TSPOAP1: variants seen among roughly 807,000 people sequenced by gnomAD.
TSPOAP1 encodes the protein TSPO associated protein 1, also known as peripheral-type benzodiazepine receptor-associated protein 1.
A neutral mutation model predicts 197.0 loss-of-function variants in TSPOAP1; 87 were observed. That is an observed-to-expected ratio of 0.44 (90% CI 0.37 to 0.53). The LOEUF is 0.53. TSPOAP1 is among the 20% of genes least tolerant of loss of function. The pLI is 0.00. For missense variants in TSPOAP1, 2,174 were observed against 2,411.3 expected, an observed-to-expected ratio of 0.90 and a Z score of 2.06; for synonymous variants, 913 against 998.9, an observed-to-expected ratio of 0.91 and a Z score of 1.62.
Position 58,320,146 on chromosome 17 carries a change from A to G in TSPOAP1, c.1474-17T>C. ...CAAGGTAGACTGTTGCAGGAAAGGA[A>G]GCAGAGAACAGGTTAGAACCCTGAG... On this transcript the variant is annotated splice_polypyrimidine_tract_variant and intron_variant, in intron 11 of 31. Transcript: ENST00000343736. The G allele has an allele frequency of 1.9e-6, 3 of 1,614,150 alleles. No individual in the cohort carries two copies. Among genetic ancestry groups the G allele is most frequent in the Non-Finnish European group, 2.5e-6 (3 of 1,180,000 alleles).
At chr17:58,315,944 G>C (rs1342900026) in intron 16 of TSPOAP1, 79 bp downstream of exon 16, 2 of 1,042,624 alleles carry the variant, frequency 1.9e-6, no homozygotes, top group East Asian at 4.9e-5. Flanking sequence ...TGGATGGATG[G>C]ATGGATGGAT....
At chr17:58,327,448 A>G in intron 1 of TSPOAP1, 140 bp downstream of exon 1, 1 of 771,628 alleles carries the variant, frequency 1.3e-6, no homozygotes, top group East Asian at 2.6e-5. Context: ...ACAGATAGCC[A>G]CAGAGATGGA....
At chr17:58,317,070 C>T (rs112605641) in intron 14 of TSPOAP1, among the ~76,000 whole-genome samples, 12,239 of 152,182 alleles carry the variant, frequency 0.08, 548 homozygotes, top group Middle Eastern at 0.15. Flanking sequence ...GTGGTGCATG[C>T]CTGTGGTCCC....
intron 25 of TSPOAP1, 143 bp downstream of exon 25, chr17:58,306,657 A>G (rs1268383846): frequency 5.4e-6 from 6 of 1,110,666 alleles, no homozygotes; most frequent in Non-Finnish European, 7.7e-6. Flanking sequence ...TCTGACCACT[A>G]CGCAGCAGGG....
Position 58,324,762 on chromosome 17 carries a change from C to T in TSPOAP1, c.942+49G>A, listed in dbSNP as rs1971521445. The T allele has an allele frequency of 4.6e-6, 6 of 1,307,136 alleles. No individual in the cohort carries two copies. Among genetic ancestry groups the T allele is most frequent in the South Asian group, 1.9e-5 (1 of 53,074 alleles). 81.0% of individuals were successfully genotyped at this position (1,307,136 alleles called of 1,614,324 possible). On this transcript the variant is annotated intron_variant, in intron 5 of 31. Coordinates refer to ENST00000343736, the MANE Select transcript of TSPOAP1 (RefSeq NM_004758.4). The surrounding 1 kb of genome is among the most constrained non-coding windows in gnomAD (Gnocchi z 5.8). ...AGGGGAGATCCCGGTGGTCGTTCCC[C>T]CCACCCATCTGCACGCACCCACACA...
At chr17:58,303,318 T>C (rs987690586) in intron 31 of TSPOAP1, 4 of 152,702 alleles carry the variant, frequency 2.6e-5, no homozygotes, top group African/African-American at 9.7e-5. Context: ...AACTCCCACT[T>C]GCTGCCCGGA....
At chr17:58,305,895 T>TGCC (rs1970872287) in intron 26 of TSPOAP1, 30 bp from the exon 27 acceptor site, 1 of 1,554,908 alleles carries the variant, frequency 6.4e-7, no homozygotes. Context: ...GTGAGCCCCC[T>TGCC]CCCACCCTGC....
chr17:58,308,383 A>G (rs1452990111), intron 22 of TSPOAP1, among the ~76,000 whole-genome samples, 158 bp downstream of exon 22: 3 of 152,184 alleles, frequency 2.0e-5, no homozygotes, highest in African/African-American at 7.2e-5. Context: ...AAGCAGTGGA[A>G]TGTGGGTGGG....
Position 58,325,548 on chromosome 17 carries a change from T to A in TSPOAP1, c.736A>T (p.Thr246Ser). The A allele has an allele frequency of 6.2e-7, 1 of 1,612,482 alleles. No homozygotes were observed. Among genetic ancestry groups the A allele is most frequent in the South Asian group, 1.1e-5 (1 of 91,022 alleles). The change falls in exon 4 of 32, where the codon ACT becomes TCT. Residue 246 changes from threonine (T) to serine (S), a missense_variant. Thr to Ser is a moderately conservative substitution (Grantham distance 58, BLOSUM62 1). Coordinates refer to ENST00000343736, the MANE Select transcript of TSPOAP1 (RefSeq NM_004758.4). The stretch of plus-strand genomic sequence containing the variant: ...CCTCCTCGCACCTTGCCCACCAGAG[T>A]GAGCCTGGCCTGCAGCTCCCTGCAC... ...RECRELQARL[T>S]LVGKEGPQWL...
intron 7 of TSPOAP1, 39 bp downstream of exon 7, chr17:58,323,259 A>C (rs1283747189): frequency 6.2e-7 from 1 of 1,611,034 alleles, no homozygotes; most frequent in African/African-American, 1.3e-5. Context: ...GCCGGGGTGA[A>C]GGGAGGAGCT....
intron 18 of TSPOAP1, 37 bp downstream of exon 18, chr17:58,311,534 C>T: frequency 6.6e-7 from 1 of 1,524,264 alleles, no homozygotes; most frequent in Non-Finnish European, 8.8e-7. Context: ...AGAAGGGACC[C>T]ACCCCCACTC....
At position 58,308,930 on chromosome 17, in the gene TSPOAP1, C is replaced by T; in HGVS notation, c.4342G>A (p.Glu1448Lys). 6.2e-7 allele frequency: 1 copy of T among 1,600,570 alleles called. No homozygotes were observed. Among genetic ancestry groups the T allele is most frequent in the Non-Finnish European group, 8.5e-7 (1 of 1,173,626 alleles). The change falls in exon 22 of 32, where the codon GAG becomes AAG. Residue 1448 changes from glutamate to lysine, a missense_variant. Transcript: ENST00000343736. ...QASGRLGPTR[E>K]RGGLPVIEGP... Reference sequence around the variant, plus strand: ...TCAATTACGGGGAGGCCACCCCTCTCCCGTGTGGGGCCCAGTCGTCCAGAG... The same window carrying T: ...TCAATTACGGGGAGGCCACCCCTCTTCCGTGTGGGGCCCAGTCGTCCAGAG...
chr17:58,308,032 G>C lies in TSPOAP1; in HGVS notation c.4732-91C>G. 19 of 1,252,746 alleles carry C rather than the reference G, an allele frequency of 1.5e-5. 1 individual carries two copies. In the South Asian group the frequency reaches 2.7e-4, roughly 18 times the overall value. The allele number at this position is 1,252,746 out of a possible 1,614,324, so 77.6% of individuals were successfully genotyped here. On this transcript the variant is annotated intron_variant, in intron 22 of 31. Coordinates refer to ENST00000343736, the MANE Select transcript of TSPOAP1 (RefSeq NM_004758.4). ...CAGCTCTGCCCCATCAGCGTAAGCA[G>C]CACAGCAGCGCAGGAGCACAGCATT...
At position 58,311,580 on chromosome 17, in the gene TSPOAP1, A is replaced by G; in HGVS notation, c.3072T>C (p.Asp1024=). 1 of 1,580,804 alleles carries G rather than the reference A, an allele frequency of 6.3e-7. No individual in the cohort carries two copies. Among genetic ancestry groups the G allele is most frequent in the Non-Finnish European group, 8.6e-7 (1 of 1,159,632 alleles). The change falls in exon 18 of 32, where the codon GAT becomes GAC. Residue 1024 remains aspartate (D), a synonymous_variant. Transcript: ENST00000343736. ...GTGGGCAGGGCTATACCTTCTGCCC[A>G]TCAGCGTAGATGGCATAGCCTGTGA... The part of the protein sequence containing the change: ...VRVTGYAIYA[D]GQKIMEVASP...
Position 58,316,112 on chromosome 17 carries a change from G to C in TSPOAP1, c.2009C>G (p.Pro670Arg). The change falls in exon 16 of 32, where the codon CCC (proline) becomes CGC (arginine). Residue 670 changes from proline to arginine, a missense_variant. Transcript: ENST00000343736. ...ARYSYNPFEG[P>R]NENPEAELPL... ...AAGCTCTGCTTCTGGATTCTCATTG[G>C]GACCCTCAAAGGGGTTGTAGCTGTT... is the stretch of plus-strand genomic sequence containing the variant. The C allele has an allele frequency of 6.2e-7, 1 of 1,614,052 alleles. No individual in the cohort carries two copies. The highest frequency in any genetic ancestry group is 1.3e-5 in the African/African-American group (1 of 75,018).
Position 58,305,658 on chromosome 17 carries a change from G to T in TSPOAP1, c.5258-15C>A. 7.0e-7 allele frequency: 1 copy of T among 1,424,766 alleles called. No homozygotes were observed. Among genetic ancestry groups the T allele is most frequent in the Non-Finnish European group, 9.6e-7 (1 of 1,041,978 alleles). 88.3% of individuals were successfully genotyped at this position (1,424,766 alleles called of 1,614,324 possible). ...CTTAGGGGGGCCTGCAGGGGGAGTAGGAGAAGACTCTGGACTCTCTGGAGA... is the reference window on the plus strand; with the variant it reads ...CTTAGGGGGGCCTGCAGGGGGAGTATGAGAAGACTCTGGACTCTCTGGAGA... On this transcript the variant is annotated splice_polypyrimidine_tract_variant and intron_variant, in intron 27 of 31. Transcript: ENST00000343736.
chr17:58,324,653 G>T lies in TSPOAP1; in HGVS notation c.942+158C>A, dbSNP rs549402375. Among the ~76,000 whole-genome samples, 1 of 152,114 alleles carries T rather than the reference G, an allele frequency of 6.6e-6. No individual in the cohort carries two copies. Among genetic ancestry groups the T allele is most frequent in the Admixed American group, 6.5e-5 (1 of 15,304 alleles). On this transcript the variant is annotated intron_variant, in intron 5 of 31. Coordinates refer to ENST00000343736, the MANE Select transcript of TSPOAP1 (RefSeq NM_004758.4). This position sits in a 1 kb window ranked among gnomAD's most constrained non-coding sequence, Gnocchi z 5.8. ...GTACGAGCACGGGAGGCTTGGAGGT[G>T]GACCCTGCCCAGGACGGGAAAGCTC...
intron 16 of TSPOAP1, among the ~76,000 whole-genome samples, chr17:58,314,791 C>G (rs1337239817): frequency 6.6e-6 from 1 of 152,244 alleles, no homozygotes; most frequent in Non-Finnish European, 1.5e-5. Flanking sequence ...GGATCTCCAG[C>G]CTGCAGGGCT....
intron 31 of TSPOAP1, 37 bp from the exon 32 acceptor site, chr17:58,302,484 G>T: frequency 8.4e-7 from 1 of 1,189,092 alleles, no homozygotes; most frequent in South Asian, 1.5e-5. Context: ...GTCAGGGCCT[G>T]ATTCCCTCCT....
Sources: gnomAD v4.1 joint callset for allele counts (sites outside exome capture counted in the v4.1 genomes callset) on GRCh38, gnomAD v4.1.1 for gene constraint, Gnocchi (gnomAD v3.1) non-coding constraint, MANE v1.5 for transcripts, NCBI Gene and HGNC (gene_info 2026-07-23, HGNC 2026-07-21) for gene names.